The following INPP5K variants were observed in gnomAD, a reference collection of about 807,000 sequenced individuals.
The protein encoded by INPP5K is inositol polyphosphate-5-phosphatase K, also known as inositol polyphosphate 5-phosphatase K.
INPP5K carries 35 observed loss-of-function variants against 53.5 expected under a neutral mutation model. That is an observed-to-expected ratio of 0.65 (90% CI 0.50 to 0.87). The LOEUF is 0.87. Among genes scored for constraint, INPP5K ranks in the 40% least tolerant of loss-of-function variants. The pLI is 0.00. For synonymous variants in INPP5K, 253 were observed against 232.8 expected, an observed-to-expected ratio of 1.09 and a Z score of -0.79; for missense variants, 550 against 586.2, an observed-to-expected ratio of 0.94 and a Z score of 0.64.
rs1401770630 is a variant in INPP5K, at chr17:1,495,392, C to T, written c.*431G>A. The T allele has an allele frequency of 6.1e-6, 1 of 163,144 alleles. No homozygotes were observed. Among genetic ancestry groups the T allele is most frequent in the Non-Finnish European group, 1.3e-5 (1 of 75,400 alleles). The allele number at this position is 163,144 out of a possible 1,614,324, so 10.1% of individuals were successfully genotyped here. On this transcript the variant is annotated 3_prime_UTR_variant, in exon 12 of 12. Transcript: ENST00000421807. ...CTCCTGGAATCCAGCACTGCTTGCACCAGTCTATGTAGCCTGTACAAATGT... is the reference window on the plus strand; with the variant it reads ...CTCCTGGAATCCAGCACTGCTTGCATCAGTCTATGTAGCCTGTACAAATGT...
At position 1,512,666 on chromosome 17, in the gene INPP5K, C is replaced by T. The variant is rs79782677; in HGVS notation, c.261+787G>A. On this transcript the variant is annotated intron_variant, in intron 3 of 11. Transcript: ENST00000421807. ...AAGGTGAAGGTGAAGATCTGGCAAC[C>T]CAGGGCCTTCCTGTGGACTCTCCTA... Among the ~76,000 whole-genome samples the T allele has an allele frequency of 9.3e-3, 1,412 of 152,190 alleles. 21 individuals carry two copies. Among genetic ancestry groups the T allele is most frequent in the African/African-American group, 0.032 (1,317 of 41,500 alleles).
At position 1,516,549 on chromosome 17, in the gene INPP5K, C is replaced by T; in HGVS notation, c.-50G>A. 1 of 1,523,802 alleles carries T rather than the reference C, an allele frequency of 6.6e-7. No homozygotes were observed. Among genetic ancestry groups the T allele is most frequent in the Non-Finnish European group, 8.7e-7 (1 of 1,144,370 alleles). The allele number at this position is 1,523,802 out of a possible 1,614,324, so 94.4% of individuals were successfully genotyped here. A position where few individuals can be genotyped will look rare whatever the true frequency, so the allele number is the denominator to read the frequency against. ...GTCCGGCAGGTTCGCGTCTCCCGGC[C>T]AGCGGGTCCCGGCCAGAGCAGCCCT... On this transcript the variant is annotated 5_prime_UTR_variant, in exon 1 of 12. Coordinates refer to ENST00000421807, the MANE Select transcript of INPP5K (RefSeq NM_016532.4).
chr17:1,512,812 C>T (rs1181252157), intron 3 of INPP5K, among the ~76,000 whole-genome samples: 6 of 152,140 alleles, frequency 3.9e-5, no homozygotes, highest in Admixed American at 2.0e-4. Flanking sequence ...GTGCACGTCC[C>T]GTATGACCTG....
intron 7 of INPP5K, among the ~76,000 whole-genome samples, chr17:1,504,313 A>G (rs73292802): frequency 6.6e-6 from 1 of 152,364 alleles, no homozygotes; most frequent in African/African-American, 2.4e-5. Context: ...ACTCTCAGTG[A>G]GATGAGGAGG....
intron 7 of INPP5K, among the ~76,000 whole-genome samples, chr17:1,506,290 G>A (rs1022383085): frequency 1.2e-4 from 19 of 152,284 alleles, no homozygotes; most frequent in African/African-American, 3.6e-4. Context: ...CTCCCAAAGT[G>A]CTGGGATTAC....
rs747443094 is a variant in INPP5K, at chr17:1,513,542, C to T, written c.172G>A (p.Gly58Arg). 117 of 1,614,136 alleles carry T rather than the reference C, an allele frequency of 7.2e-5. No homozygotes were observed. Among genetic ancestry groups the T allele is most frequent in the Non-Finnish European group, 9.7e-5 (115 of 1,180,040 alleles). ...GCATCGGAAAGGAGGCTTATGATCC[C>T]AGAGTTCAATTCCTGCAAACTGACC... Reference protein sequence around the residue: ...YVIGLQELNSGIISLLSDAAF... With the variant: ...YVIGLQELNSRIISLLSDAAF... Residue 58 changes from glycine to arginine, a missense_variant, in exon 3 of 12, where the codon GGG (glycine) becomes AGG (arginine). By Grantham distance (125) the Gly-to-Arg change is moderately radical. Coordinates refer to ENST00000421807, the MANE Select transcript of INPP5K (RefSeq NM_016532.4).
intron 3 of INPP5K, among the ~76,000 whole-genome samples, chr17:1,512,035 G>A (rs2075321727): frequency 6.6e-6 from 1 of 152,176 alleles, no homozygotes; most frequent in Non-Finnish European, 1.5e-5. Flanking sequence ...GCAGTGGAAG[G>A]GGGTCAGCCC....
At chr17:1,496,905 G>A in intron 8 of INPP5K, 102 bp from the exon 9 acceptor site, 1 of 1,277,202 alleles carries the variant, frequency 7.8e-7, no homozygotes, top group Non-Finnish European at 1.1e-6. Flanking sequence ...GGGGAAGGTG[G>A]GGCACCCAGA....
At chr17:1,498,192 G>T in intron 7 of INPP5K, 70 bp from the exon 8 acceptor site, 2 of 1,336,622 alleles carry the variant, frequency 1.5e-6, no homozygotes, top group Non-Finnish European at 2.0e-6. Flanking sequence ...GCAGAAATGA[G>T]CCCACATGAG....
chr17:1,509,985 T>C (rs2075269196), intron 3 of INPP5K, among the ~76,000 whole-genome samples, 186 bp from the exon 4 acceptor site: 1 of 152,236 alleles, frequency 6.6e-6, no homozygotes, highest in Non-Finnish European at 1.5e-5. Context: ...AGCTGCCAAA[T>C]GATACATTCT....
Position 1,508,176 on chromosome 17 carries a change from A to C in INPP5K, c.605T>G (p.Leu202Trp). Reference protein sequence around the residue: ...DMNFRIEDFGLHFVRESIKNR... With the variant: ...DMNFRIEDFGWHFVRESIKNR... ...TTTAATGGATTCCCGAACAAAGTGC[A>C]ACCCAAAGTCCTCGATCCGAAAGTT... The change falls in exon 6 of 12, where the codon TTG becomes TGG. Residue 202 changes from leucine to tryptophan, a missense_variant. Transcript: ENST00000421807. 3 of 1,614,158 alleles carry C rather than the reference A, an allele frequency of 1.9e-6. No individual in the cohort carries two copies. In the East Asian group the frequency reaches 6.7e-5, roughly 36 times the overall value.
In INPP5K at chr17:1,495,945, G is replaced by T. The variant is rs150269523; in HGVS notation, c.1291-66C>A. ...TTCCTCCGTGCTTTCCATCACCCCC[G>T]TTCCTGCACTGCAGCGGCCCCTCAT... On this transcript the variant is annotated intron_variant, in intron 11 of 11. Transcript: ENST00000421807. 5.5e-6 allele frequency: 8 copies of T among 1,453,500 alleles called. No individual in the cohort carries two copies. The East Asian group carries it at 1.8e-4, about 33-fold the overall frequency. The allele number at this position is 1,453,500 out of a possible 1,614,324, so 90.0% of individuals were successfully genotyped here.
rs1215111540 is a variant in INPP5K at position 1,516,532 on chromosome 17, G to C, written c.-33C>G. ...GTCGTCCCCGCGCGGTGGTCCGGCA[G>C]GTTCGCGTCTCCCGGCCAGCGGGTC... On this transcript the variant is annotated 5_prime_UTR_variant, in exon 1 of 12. Coordinates refer to ENST00000421807, the MANE Select transcript of INPP5K (RefSeq NM_016532.4). 1 of 1,546,790 alleles carries C rather than the reference G, an allele frequency of 6.5e-7. No homozygotes were observed. Among genetic ancestry groups the C allele is most frequent in the Non-Finnish European group, 8.6e-7 (1 of 1,156,432 alleles).
At chr17:1,497,033 C>T (rs1165498705) in intron 8 of INPP5K, among the ~76,000 whole-genome samples, 1 of 152,168 alleles carries the variant, frequency 6.6e-6, no homozygotes, top group Admixed American at 6.5e-5. Flanking sequence ...TGGGGCCCAG[C>T]GCTGGGGGGT....
chr17:1,502,535 C>G (rs1315804580), intron 7 of INPP5K, among the ~76,000 whole-genome samples: 2 of 151,016 alleles, frequency 1.3e-5, no homozygotes, highest in South Asian at 2.1e-4. Flanking sequence ...CCCACCCCCA[C>G]CCCCCTTTTT....
intron 7 of INPP5K, among the ~76,000 whole-genome samples, chr17:1,504,870 A>G (rs2150985577): frequency 6.6e-6 from 1 of 152,348 alleles, no homozygotes; most frequent in Non-Finnish European, 1.5e-5. Context: ...ATCCTGAGGT[A>G]CGATGGGCTT....
At chr17:1,501,680 G>A (rs1256021455) in intron 7 of INPP5K, among the ~76,000 whole-genome samples, 8 of 152,198 alleles carry the variant, frequency 5.3e-5, no homozygotes, top group Admixed American at 4.6e-4. Context: ...CAGACACTGC[G>A]TCCCTGAATC....
intron 7 of INPP5K, 53 bp downstream of exon 7, chr17:1,506,927 G>T: frequency 8.2e-7 from 1 of 1,221,690 alleles, no homozygotes; most frequent in Non-Finnish European, 1.2e-6. Flanking sequence ...CATGCCAGCA[G>T]GGTCAGTGTA....
At chr17:1,497,816 A>G (rs1005101916) in intron 8 of INPP5K, 120 bp downstream of exon 8, 4 of 862,496 alleles carry the variant, frequency 4.6e-6, no homozygotes, top group East Asian at 4.9e-5. Flanking sequence ...AAAGGCAATC[A>G]TGGCCTCCAC....
Sources: gnomAD v4.1 joint callset for allele counts (sites outside exome capture counted in the v4.1 genomes callset) on GRCh38, gnomAD v4.1.1 for gene constraint, MANE v1.5 for transcripts, NCBI Gene and HGNC (gene_info 2026-07-23, HGNC 2026-07-21) for gene names.